The following TRPC1 variants were observed in gnomAD, a reference collection of about 807,000 sequenced individuals.
TRPC1 encodes the protein short transient receptor potential channel 1.
A neutral mutation model predicts 88.2 loss-of-function variants in TRPC1; 42 were observed. The observed-to-expected ratio is 0.48, with a 90% CI of 0.37 to 0.62. The LOEUF is 0.62. TRPC1 is among the 20% of genes least tolerant of loss of function. The probability of loss-of-function intolerance (pLI) is 0.00; values close to 1 mark genes in which losing one functional copy is unlikely to be tolerated. For synonymous variants in TRPC1, 288 were observed against 331.8 expected (o/e 0.87, Z 1.43); for missense variants, 699 against 957.3 (o/e 0.73, Z 3.56).
chr3:142,753,726 C>CAA (rs1198639773), intron 4 of TRPC1, among the ~76,000 whole-genome samples: 3,496 of 87,348 alleles, frequency 0.04, 207 homozygotes, highest in African/African-American at 0.12. Flanking sequence ...GACTCTGCCT[C>CAA]AAAAAAAAAA....
At chr3:142,758,581 A>AT (rs1268352273) in intron 4 of TRPC1, among the ~76,000 whole-genome samples, 1 of 152,036 alleles carries the variant, frequency 6.6e-6, no homozygotes, top group Non-Finnish European at 1.5e-5. Flanking sequence ...ATAGTCTCCC[A>AT]TTCTATGAGT....
intron 7 of TRPC1, among the ~76,000 whole-genome samples, chr3:142,786,399 G>A (rs1216489942): frequency 6.6e-6 from 1 of 151,888 alleles, no homozygotes; most frequent in Non-Finnish European, 1.5e-5. Flanking sequence ...TTAATTTCAG[G>A]TAACTAGATT....
At chr3:142,737,833 G>A (rs28728040) in intron 2 of TRPC1, among the ~76,000 whole-genome samples, 4,484 of 152,168 alleles carry the variant, frequency 0.029, 233 homozygotes, top group African/African-American at 0.1. Context: ...AAGAAAGACT[G>A]TATATATGTG....
intron 4 of TRPC1, among the ~76,000 whole-genome samples, chr3:142,760,034 G>A (rs978254173): frequency 6.6e-6 from 1 of 151,970 alleles, no homozygotes; most frequent in Non-Finnish European, 1.5e-5. Flanking sequence ...CGCTGTGTTA[G>A]CCAGGATGGT....
intron 4 of TRPC1, among the ~76,000 whole-genome samples, chr3:142,774,159 T>G (rs1213848197): frequency 3.3e-5 from 5 of 152,212 alleles, no homozygotes. Context: ...TTGTACTATC[T>G]GCTAATCAAT....
chr3:142,778,046 C>T (rs572565819), intron 5 of TRPC1, among the ~76,000 whole-genome samples: 5 of 152,162 alleles, frequency 3.3e-5, no homozygotes, highest in African/African-American at 7.2e-5. Context: ...GTATGAAATA[C>T]AGTAGGATTA....
At chr3:142,803,484 T>C (rs1376503749) in intron 10 of TRPC1, among the ~76,000 whole-genome samples, 1 of 152,100 alleles carries the variant, frequency 6.6e-6, no homozygotes, top group Non-Finnish European at 1.5e-5. Context: ...GATTTTGAGT[T>C]ATTGAGATTG....
chr3:142,775,524 C>A (rs1935738921), intron 4 of TRPC1, among the ~76,000 whole-genome samples: 1 of 152,062 alleles, frequency 6.6e-6, no homozygotes, highest in Admixed American at 6.6e-5. Context: ...GAGGCTGAGG[C>A]AGGAGCATTG....
In TRPC1 at chr3:142,756,561, G is replaced by C. The variant is rs1258128131; in HGVS notation, c.632+8101G>C. ...TTTTTAGTAGAGACGGGGTTTCACCGTGTTAGCCAGGATGGTCTCGATCTC... is the reference window on the plus strand; with the variant it reads ...TTTTTAGTAGAGACGGGGTTTCACCCTGTTAGCCAGGATGGTCTCGATCTC... On this transcript the variant is annotated intron_variant, in intron 4 of 12. Coordinates refer to ENST00000476941, the MANE Select transcript of TRPC1 (RefSeq NM_001251845.2). Among the ~76,000 whole-genome samples, 3 of 151,692 alleles carry C rather than the reference G, an allele frequency of 2.0e-5. No individual in the cohort carries two copies. The East Asian group carries it at 5.8e-4, about 29-fold the overall frequency.
chr3:142,766,014 A>C (rs1935372063), intron 4 of TRPC1, among the ~76,000 whole-genome samples: 2 of 152,198 alleles, frequency 1.3e-5, no homozygotes, highest in Admixed American at 1.3e-4. Context: ...ATCTCATACC[A>C]GTCAGAATGT....
At position 142,807,678 on chromosome 3, in the gene TRPC1, A is replaced by T. The variant is rs1221543160; in HGVS notation, c.*1443A>T. 6.6e-6 allele frequency: 1 copy of T among 152,040 alleles called. No individual in the cohort carries two copies. Among genetic ancestry groups the T allele is most frequent in the Non-Finnish European group, 1.5e-5 (1 of 68,002 alleles). The allele number at this position is 152,040 out of a possible 1,614,324, so 9.4% of individuals were successfully genotyped here. A position where few individuals can be genotyped will look rare whatever the true frequency, so the allele number is the denominator to read the frequency against. On this transcript the variant is annotated 3_prime_UTR_variant, in exon 13 of 13. Transcript: ENST00000476941. ...AATTCTTATAAAAATGTTTATTGTA[A>T]AGTTATATATTTTGTCTACGATGGG...
intron 4 of TRPC1, among the ~76,000 whole-genome samples, chr3:142,773,244 G>T (rs187030113): frequency 6.6e-6 from 1 of 151,330 alleles, no homozygotes; most frequent in African/African-American, 2.4e-5. Flanking sequence ...ATGGAGTCTC[G>T]CTGTGTTGCC....
Position 142,724,502 on chromosome 3 carries a change from GTC to G in TRPC1, c.-57_-56del. On this transcript the variant is annotated 5_prime_UTR_variant, in exon 1 of 13. Coordinates refer to ENST00000476941, the MANE Select transcript of TRPC1 (RefSeq NM_001251845.2). The surrounding 1 kb of genome is among the most constrained non-coding windows in gnomAD (Gnocchi z 5.6). ...GGGCGTGGCTGGGGTCGGGGTCGGG[GTC>G]GGGGCCGGTGGGGGCCCCGCCCCCG... The G allele has an allele frequency of 6.9e-7, 1 of 1,455,052 alleles. No homozygotes were observed. 90.1% of individuals were successfully genotyped at this position (1,455,052 alleles called of 1,614,324 possible).
chr3:142,779,994 C>A (rs1294410466), intron 5 of TRPC1, among the ~76,000 whole-genome samples: 1 of 151,552 alleles, frequency 6.6e-6, no homozygotes, highest in African/African-American at 2.4e-5. Context: ...ATTACAGGCA[C>A]CTGCCACCAT....
intron 4 of TRPC1, among the ~76,000 whole-genome samples, chr3:142,754,673 C>A (rs1934897015): frequency 6.6e-6 from 1 of 152,128 alleles, no homozygotes; most frequent in Non-Finnish European, 1.5e-5. Context: ...ACCAACATCA[C>A]CCCTGAAGGC....
chr3:142,742,574 G>A (rs536742183), intron 2 of TRPC1, among the ~76,000 whole-genome samples: 229 of 152,204 alleles, frequency 1.5e-3, no homozygotes, highest in African/African-American at 4.6e-3. Context: ...ATTAAAGATC[G>A]ATATAGTTTT....
At chr3:142,780,607 A>T (rs551989527) in intron 5 of TRPC1, among the ~76,000 whole-genome samples, 34 of 152,294 alleles carry the variant, frequency 2.2e-4, no homozygotes, top group Non-Finnish European at 4.9e-4. Context: ...TGCTCATCTA[A>T]GATTATTAGT....
intron 1 of TRPC1, among the ~76,000 whole-genome samples, chr3:142,725,551 G>A (rs1933639813): frequency 6.6e-6 from 1 of 152,150 alleles, no homozygotes. Context: ...TTAAGGCCAT[G>A]TCACGCAATC....
At chr3:142,803,482 GTTA>G (rs1227084899) in intron 10 of TRPC1, among the ~76,000 whole-genome samples, 1 of 152,184 alleles carries the variant, frequency 6.6e-6, no homozygotes, top group Non-Finnish European at 1.5e-5. Context: ...AGGATTTTGA[GTTA>G]TTGAGATTGA....
Sources: allele counts gnomAD v4.1 joint callset (sites outside exome capture counted in the v4.1 genomes callset), GRCh38; gene constraint gnomAD v4.1.1; non-coding constraint Gnocchi (gnomAD v3.1); transcripts MANE v1.5; gene names NCBI Gene and HGNC (gene_info 2026-07-23, HGNC 2026-07-21).